ULK4: variants seen among roughly 807,000 people sequenced by gnomAD.
ULK4 encodes inactive serine/threonine-protein kinase ULK4.
In ULK4, 133 loss-of-function variants were observed where a neutral mutation model predicts 160.6. That is an observed-to-expected ratio of 0.83 (90% CI 0.72 to 0.96). ULK4 has a LOEUF of 0.96. ULK4 is among the 40% of genes least tolerant of loss of function. The pLI, the probability that ULK4 is intolerant of heterozygous loss-of-function variation, is 0.00. For synonymous variants in ULK4, 534 were observed against 539.8 expected (o/e 0.99, Z 0.15); for missense variants, 1,580 against 1,499.5 (o/e 1.05, Z -0.89).
At chr3:41,524,452 T>C (rs2086041048) in intron 32 of ULK4, among the ~76,000 whole-genome samples, 2 of 152,136 alleles carry the variant, frequency 1.3e-5, no homozygotes, top group Non-Finnish European at 2.9e-5. Context: ...AACAAGTCAA[T>C]GGCCAACTAG....
At chr3:41,602,089 A>C (rs2032103745) in intron 31 of ULK4, among the ~76,000 whole-genome samples, 1 of 152,004 alleles carries the variant, frequency 6.6e-6, no homozygotes, top group African/African-American at 2.4e-5. Context: ...CCAGCCACTA[A>C]AGAGGCTGAG....
intron 30 of ULK4, among the ~76,000 whole-genome samples, chr3:41,657,171 T>C (rs2034968308): frequency 6.6e-6 from 1 of 152,118 alleles, no homozygotes; most frequent in Non-Finnish European, 1.5e-5. Flanking sequence ...ACAATGCAGA[T>C]TTGATTATGC....
chr3:41,347,009 C>T (rs2080813627), intron 35 of ULK4, among the ~76,000 whole-genome samples: 1 of 152,036 alleles, frequency 6.6e-6, no homozygotes, highest in South Asian at 2.1e-4. Context: ...CTTCAAAGAA[C>T]TCCAATTACA....
intron 35 of ULK4, among the ~76,000 whole-genome samples, chr3:41,291,747 T>C (rs968973451): frequency 3.3e-5 from 5 of 152,132 alleles, no homozygotes; most frequent in Non-Finnish European, 7.3e-5. Context: ...GGTACTGCGA[T>C]GCTGTTTGTC....
intron 32 of ULK4, among the ~76,000 whole-genome samples, chr3:41,465,520 T>C (rs1358914689): frequency 6.6e-6 from 1 of 152,228 alleles, no homozygotes; most frequent in Non-Finnish European, 1.5e-5. Flanking sequence ...AGCAGCTCCA[T>C]AAATTCCATT....
chr3:41,824,520 C>T (rs2041272015), intron 18 of ULK4, among the ~76,000 whole-genome samples: 1 of 152,194 alleles, frequency 6.6e-6, no homozygotes, highest in Non-Finnish European at 1.5e-5. Flanking sequence ...GAGATTATAT[C>T]CCACGCCTGG....
intron 20 of ULK4, among the ~76,000 whole-genome samples, chr3:41,791,058 G>C (rs1238193173): frequency 6.6e-6 from 1 of 152,178 alleles, no homozygotes; most frequent in African/African-American, 2.4e-5. Context: ...GGACAGGAGA[G>C]AGGGATATAT....
At chr3:41,915,038 T>C (rs1698919350) in intron 8 of ULK4, among the ~76,000 whole-genome samples, 1 of 152,040 alleles carries the variant, frequency 6.6e-6, no homozygotes, top group African/African-American at 2.4e-5. Flanking sequence ...TAATGTACCA[T>C]GAGAGAAAAA....
chr3:41,655,472 A>G (rs1204178956), intron 30 of ULK4, among the ~76,000 whole-genome samples: 1 of 152,088 alleles, frequency 6.6e-6, no homozygotes, highest in Non-Finnish European at 1.5e-5. Flanking sequence ...GCACATGTAT[A>G]CATATGTAAC....
intron 35 of ULK4, among the ~76,000 whole-genome samples, chr3:41,256,103 A>G (rs1452853688): frequency 1.3e-5 from 2 of 152,226 alleles, no homozygotes; most frequent in African/African-American, 4.8e-5. Context: ...TGGAAGGCTC[A>G]ATATAATAAA....
At chr3:41,842,654 T>C (rs573372993) in intron 17 of ULK4, among the ~76,000 whole-genome samples, 5 of 152,348 alleles carry the variant, frequency 3.3e-5, no homozygotes, top group African/African-American at 9.6e-5. Context: ...CCTTCTGCCA[T>C]GAGTGGAAAC....
intron 35 of ULK4, among the ~76,000 whole-genome samples, chr3:41,387,711 T>C (rs982333440): frequency 2.6e-5 from 4 of 152,214 alleles, no homozygotes; most frequent in African/African-American, 9.6e-5. Flanking sequence ...ACTCATCCTT[T>C]TTTATGGCTG....
At chr3:41,438,222 TTC>T (rs1368735034) in intron 34 of ULK4, among the ~76,000 whole-genome samples, 5 of 152,110 alleles carry the variant, frequency 3.3e-5, no homozygotes, top group Admixed American at 1.3e-4. Flanking sequence ...CCAGCCTCAC[TTC>T]TTTTTGTACA....
At chr3:41,259,191 C>A (rs2078899252) in intron 35 of ULK4, among the ~76,000 whole-genome samples, 1 of 151,924 alleles carries the variant, frequency 6.6e-6, no homozygotes, top group Non-Finnish European at 1.5e-5. Flanking sequence ...GCTATGGTCA[C>A]TTTAACATGG....
At chr3:41,862,569 G>A (rs1007510218) in intron 17 of ULK4, among the ~76,000 whole-genome samples, 6 of 152,068 alleles carry the variant, frequency 3.9e-5, no homozygotes, top group Admixed American at 3.9e-4. Flanking sequence ...TATTTGAAAG[G>A]ACTTGGGTGT....
intron 29 of ULK4, 148 bp from the exon 30 acceptor site, chr3:41,663,847 G>A (rs1475954830): frequency 7.8e-6 from 5 of 638,750 alleles, no homozygotes; most frequent in Non-Finnish European, 1.3e-5. Flanking sequence ...CCTCTCATGT[G>A]CCCCTTCTCA....
intron 32 of ULK4, among the ~76,000 whole-genome samples, chr3:41,466,667 A>C (rs1251072827): frequency 6.6e-6 from 1 of 152,222 alleles, no homozygotes; most frequent in Non-Finnish European, 1.5e-5. Context: ...CTTCATTAAA[A>C]AGTAAAGCTT....
chr3:41,873,812 C>G (rs1256115341), intron 17 of ULK4, among the ~76,000 whole-genome samples: 2 of 151,686 alleles, frequency 1.3e-5, no homozygotes, highest in Non-Finnish European at 2.9e-5. Context: ...CTCAGCCTCC[C>G]AAAAGTGCTG....
At chr3:41,874,316 T>C (rs1484731084) in intron 17 of ULK4, among the ~76,000 whole-genome samples, 1 of 152,208 alleles carries the variant, frequency 6.6e-6, no homozygotes, top group Non-Finnish European at 1.5e-5. Context: ...ACACTACGTT[T>C]AGAGTTTCCA....
Sources: allele counts gnomAD v4.1 joint callset (sites outside exome capture counted in the v4.1 genomes callset), GRCh38; gene constraint gnomAD v4.1.1; transcripts MANE v1.5; gene names NCBI Gene and HGNC (gene_info 2026-07-23, HGNC 2026-07-21).